CCDC50: variants seen among roughly 807,000 people sequenced by gnomAD.
CCDC50 encodes coiled-coil domain containing 50, also known as coiled-coil domain-containing protein 50.
Under a neutral mutation model 70.2 loss-of-function variants are expected in CCDC50, and 54 were observed. The observed-to-expected ratio is 0.77, with a 90% CI of 0.62 to 0.96. The LOEUF is 0.96. Among genes scored for constraint, CCDC50 ranks in the 50% least tolerant of loss-of-function variants. The pLI, the probability that CCDC50 is intolerant of heterozygous loss-of-function variation, is 0.00. For missense variants in CCDC50, 558 were observed against 578.7 expected (o/e 0.96, Z 0.37); for synonymous variants, 216 against 198.8 (o/e 1.09, Z -0.73).
At chr3:191,382,713 T>C (rs779463686) in intron 9 of CCDC50, 33 bp from the exon 10 acceptor site, 158 of 1,415,624 alleles carry the variant, frequency 1.1e-4, no homozygotes, top group Middle Eastern at 3.5e-4. Flanking sequence ...GTGTGTGTTA[T>C]TTTTGTTTGT....
intron 1 of CCDC50, among the ~76,000 whole-genome samples, chr3:191,336,100 A>G (rs983379698): frequency 6.6e-6 from 1 of 151,488 alleles, no homozygotes; most frequent in Non-Finnish European, 1.5e-5. Context: ...GGTGGGTGAC[A>G]GTAAAGTCAC....
intron 6 of CCDC50, among the ~76,000 whole-genome samples, chr3:191,377,396 A>G (rs970660347): frequency 9.9e-5 from 15 of 152,208 alleles, no homozygotes; most frequent in African/African-American, 3.6e-4. Context: ...AGCAGCATTA[A>G]TAGAATCAGT....
intron 4 of CCDC50, among the ~76,000 whole-genome samples, chr3:191,362,392 T>C (rs1712525067): frequency 6.6e-6 from 1 of 152,190 alleles, no homozygotes. Flanking sequence ...CCCAAAGCAC[T>C]GGAATTACTG....
intron 11 of CCDC50, among the ~76,000 whole-genome samples, chr3:191,390,217 T>C (rs1713642019): frequency 6.6e-6 from 1 of 152,144 alleles, no homozygotes; most frequent in Admixed American, 6.6e-5. Context: ...TTTTCTGTAG[T>C]GGCTCTTGTT....
intron 10 of CCDC50, among the ~76,000 whole-genome samples, chr3:191,388,910 TA>T (rs1713588821): frequency 7.5e-6 from 1 of 134,206 alleles, no homozygotes; most frequent in Non-Finnish European, 1.6e-5. Context: ...TTTAGAGTAG[TA>T]AAAATTATAT....
chr3:191,387,350 A>C (rs565726856), intron 10 of CCDC50, among the ~76,000 whole-genome samples: 96 of 152,280 alleles, frequency 6.3e-4, no homozygotes, highest in Non-Finnish European at 1.3e-3. Context: ...AAATGATTTC[A>C]TGAGAACGGT....
chr3:191,366,760 G>GT (rs902787441), intron 4 of CCDC50, among the ~76,000 whole-genome samples: 1 of 151,484 alleles, frequency 6.6e-6, no homozygotes, highest in African/African-American at 2.4e-5. Flanking sequence ...TGAAAGGTGT[G>GT]TTTTTTTTGG....
intron 6 of CCDC50, among the ~76,000 whole-genome samples, chr3:191,379,101 C>T (rs1304957036): frequency 1.3e-5 from 2 of 151,986 alleles, no homozygotes; most frequent in Non-Finnish European, 2.9e-5. Flanking sequence ...TTTTAATTTA[C>T]AGTAATTTTA....
intron 1 of CCDC50, among the ~76,000 whole-genome samples, chr3:191,335,486 G>C (rs1005956042): frequency 1.3e-5 from 2 of 152,098 alleles, no homozygotes; most frequent in African/African-American, 2.4e-5. Context: ...GGGATTACTT[G>C]GATGTTTGAA....
At chr3:191,332,489 A>G (rs142637759) in intron 1 of CCDC50, among the ~76,000 whole-genome samples, 20 of 152,354 alleles carry the variant, frequency 1.3e-4, no homozygotes, top group African/African-American at 4.3e-4. Context: ...GCTGTTGCCA[A>G]TATTCAGGAA....
At chr3:191,354,170 T>C (rs1389970407) in intron 1 of CCDC50, among the ~76,000 whole-genome samples, 2 of 152,184 alleles carry the variant, frequency 1.3e-5, no homozygotes, top group South Asian at 2.1e-4. Flanking sequence ...GCACAGGAAA[T>C]AGAAAAACCC....
At chr3:191,363,523 T>C (rs942866971) in intron 4 of CCDC50, among the ~76,000 whole-genome samples, 1 of 152,230 alleles carries the variant, frequency 6.6e-6, no homozygotes, top group African/African-American at 2.4e-5. Flanking sequence ...GTAAATGAGA[T>C]CAGGTACTTG....
chr3:191,349,199 A>G (rs1233169155), intron 1 of CCDC50, among the ~76,000 whole-genome samples: 3 of 141,874 alleles, frequency 2.1e-5, no homozygotes, highest in African/African-American at 5.0e-5. Flanking sequence ...AGGATTTTTC[A>G]TTAGGATAAG....
chr3:191,369,555 T>G (rs1712822734), intron 4 of CCDC50, among the ~76,000 whole-genome samples: 1 of 152,212 alleles, frequency 6.6e-6, no homozygotes, highest in African/African-American at 2.4e-5. Flanking sequence ...TATAAAGTTT[T>G]GTAGATTACT....
chr3:191,395,484 A>G lies in CCDC50; in HGVS notation c.*3724A>G, dbSNP rs1224513436. 6.6e-6 allele frequency: 1 copy of G among 152,164 alleles called. No homozygotes were observed. The highest frequency in any genetic ancestry group is 1.5e-5 in the Non-Finnish European group (1 of 68,004). 9.4% of individuals were successfully genotyped at this position (152,164 alleles called of 1,614,324 possible). On this transcript the variant is annotated 3_prime_UTR_variant, in exon 12 of 12. Coordinates refer to ENST00000392455, the MANE Select transcript of CCDC50 (RefSeq NM_178335.3). ...CCTTTGTATAAGCATCGCTTTGGGG[A>G]ATACCAAGATGATTCATTATTCAGT...
intron 1 of CCDC50, among the ~76,000 whole-genome samples, chr3:191,333,848 A>C (rs74287488): frequency 0.044 from 6,679 of 152,202 alleles, 278 homozygotes; most frequent in East Asian, 0.19. Flanking sequence ...ACCAGCATTA[A>C]ATTTATAAAA....
chr3:191,391,678 A>G (rs1713696636), intron 11 of CCDC50, 63 bp from the exon 12 acceptor site: 5 of 1,455,098 alleles, frequency 3.4e-6, no homozygotes, highest in Non-Finnish European at 4.8e-6. Context: ...GCAGGGAGAA[A>G]AAGCTGTTTG....
chr3:191,391,873 T>C lies in CCDC50; in HGVS notation c.*113T>C. The C allele has an allele frequency of 1.1e-6, 1 of 924,388 alleles. No individual in the cohort carries two copies. The highest frequency in any genetic ancestry group is 1.7e-5 in the African/African-American group (1 of 60,130). The allele number at this position is 924,388 out of a possible 1,614,324, so 57.3% of individuals were successfully genotyped here. A position where few individuals can be genotyped will look rare whatever the true frequency, so the allele number is the denominator to read the frequency against. Reference sequence around the variant, plus strand: ...CCTGTGTTTGCATTCCTGGGATTTATCCTCAAGTGCATTTCTGACCATAAG... The same window carrying C: ...CCTGTGTTTGCATTCCTGGGATTTACCCTCAAGTGCATTTCTGACCATAAG... On this transcript the variant is annotated 3_prime_UTR_variant, in exon 12 of 12. Coordinates refer to ENST00000392455, the MANE Select transcript of CCDC50 (RefSeq NM_178335.3).
chr3:191,379,749 A>C (rs293810), intron 6 of CCDC50, among the ~76,000 whole-genome samples: 87,878 of 151,998 alleles, frequency 0.58, 27,076 homozygotes, highest in African/African-American at 0.81. Flanking sequence ...AGAAGCCTCT[A>C]CTCTCCTCCA....
Sources: gnomAD v4.1 joint callset for allele counts (sites outside exome capture counted in the v4.1 genomes callset) on GRCh38, gnomAD v4.1.1 for gene constraint, MANE v1.5 for transcripts, NCBI Gene and HGNC (gene_info 2026-07-23, HGNC 2026-07-21) for gene names.